Variants in PHACTR2 observed in about 807,000 individuals in gnomAD.
The protein encoded by PHACTR2 is chromosome 6 open reading frame 56.
In PHACTR2, 30 loss-of-function variants were observed where a neutral mutation model predicts 76.0. That is an observed-to-expected ratio of 0.39 (90% CI 0.30 to 0.54). PHACTR2 has a LOEUF of 0.54. Among genes scored for constraint, PHACTR2 ranks in the 20% least tolerant of loss-of-function variants. PHACTR2 has a pLI of 0.61. For synonymous variants in PHACTR2, 292 were observed against 292.5 expected (o/e 1.00, Z 0.02); for missense variants, 696 against 781.1 (o/e 0.89, Z 1.30).
At chr6:143,538,875 T>C (rs182713272) in intron 1 of PHACTR2, among the ~76,000 whole-genome samples, 22 of 152,336 alleles carry the variant, frequency 1.4e-4, no homozygotes, top group Admixed American at 1.4e-3. Context: ...TAAAGATTCA[T>C]CCTCTGAATT....
chr6:143,725,278 G>A (rs1778538270), intron 2 of PHACTR2, among the ~76,000 whole-genome samples: 1 of 139,090 alleles, frequency 7.2e-6, no homozygotes, highest in African/African-American at 2.8e-5. Context: ...CGTGATCTCG[G>A]CAAGCTCCGC....
At chr6:143,768,090 C>T (rs1035535987) in intron 6 of PHACTR2, among the ~76,000 whole-genome samples, 8 of 152,190 alleles carry the variant, frequency 5.3e-5, no homozygotes, top group African/African-American at 1.9e-4. Context: ...CCTGCCTCAG[C>T]CTTCCAAAGT....
chr6:143,762,089 CTG>C (rs1370928061), intron 5 of PHACTR2, among the ~76,000 whole-genome samples: 1 of 152,158 alleles, frequency 6.6e-6, no homozygotes, highest in Admixed American at 6.5e-5. Flanking sequence ...TTGTTGGGAT[CTG>C]TGTGTGTTTT....
At chr6:143,567,993 TC>T (rs1775386732) in intron 1 of PHACTR2, among the ~76,000 whole-genome samples, 1 of 152,218 alleles carries the variant, frequency 6.6e-6, no homozygotes, top group Admixed American at 6.5e-5. Flanking sequence ...TCGCTATGCA[TC>T]TTTTCACATA....
intron 1 of PHACTR2, among the ~76,000 whole-genome samples, chr6:143,637,787 G>T (rs1582724262): frequency 1.3e-5 from 2 of 152,212 alleles, no homozygotes; most frequent in East Asian, 3.9e-4. Context: ...GTAGCAATGG[G>T]AGTCTTTTAT....
rs1159506409 is a variant in PHACTR2, at chr6:143,695,408, C to T, written c.47-16608C>T. Reference sequence around the variant, plus strand: ...GTGTTCTTCCAAGTTGAGAACAGAACACTTGGATCCAAGACCCTATTTCAG... The same window carrying T: ...GTGTTCTTCCAAGTTGAGAACAGAATACTTGGATCCAAGACCCTATTTCAG... On this transcript the variant is annotated intron_variant, in intron 1 of 12. Coordinates refer to ENST00000440869, the MANE Select transcript of PHACTR2 (RefSeq NM_001100164.2). The surrounding 1 kb of genome is among the most constrained non-coding windows in gnomAD (Gnocchi z 4.4). 1.3e-5 allele frequency among the ~76,000 whole-genome samples: 2 copies of T among 152,218 alleles called. No homozygotes were observed. Among genetic ancestry groups the T allele is most frequent in the African/African-American group, 4.8e-5 (2 of 41,456 alleles).
At chr6:143,745,155 G>A (rs1779028690) in intron 2 of PHACTR2, among the ~76,000 whole-genome samples, 1 of 152,204 alleles carries the variant, frequency 6.6e-6, no homozygotes, top group Admixed American at 6.5e-5. Flanking sequence ...TCTGTGCATA[G>A]ATTGGTGTAA....
intron 6 of PHACTR2, among the ~76,000 whole-genome samples, chr6:143,771,192 GTGTATA>G (rs1343057664): frequency 1.7e-3 from 28 of 16,614 alleles, no homozygotes; most frequent in African/African-American, 9.5e-3. Flanking sequence ...ATATATATGT[GTGTATA>G]TATATATATA....
chr6:143,673,709 A>G (rs1037190007), upstream of PHACTR2, among the ~76,000 whole-genome samples: 3 of 152,026 alleles, frequency 2.0e-5, no homozygotes, highest in African/African-American at 7.2e-5. Context: ...TCTTTGGAAA[A>G]GGAAATTCCA....
chr6:143,743,236 T>G lies in PHACTR2; in HGVS notation c.215-5749T>G, dbSNP rs954842236. On this transcript the variant is annotated intron_variant, in intron 2 of 12. Coordinates refer to ENST00000440869, the MANE Select transcript of PHACTR2 (RefSeq NM_001100164.2). The surrounding 1 kb of genome is among the most constrained non-coding windows in gnomAD (Gnocchi z 5.0). Reference sequence around the variant, plus strand: ...GGAACAATACATGAAGGAATGGAGCTGAAGAACCGCAGATGTTTAGGAAAT... The same window carrying G: ...GGAACAATACATGAAGGAATGGAGCGGAAGAACCGCAGATGTTTAGGAAAT... Among the ~76,000 whole-genome samples, 2 of 152,176 alleles carry G rather than the reference T, an allele frequency of 1.3e-5. No individual in the cohort carries two copies. The highest frequency in any genetic ancestry group is 4.8e-5 in the African/African-American group (2 of 41,442).
intron 1 of PHACTR2, among the ~76,000 whole-genome samples, chr6:143,540,264 C>A (rs1306452038): frequency 6.6e-6 from 1 of 152,128 alleles, no homozygotes; most frequent in African/African-American, 2.4e-5. Context: ...AAAAGGAAAT[C>A]ACCTTTTGCA....
chr6:143,579,064 TGG>T (rs1775545218), intron 1 of PHACTR2, among the ~76,000 whole-genome samples: 1 of 152,072 alleles, frequency 6.6e-6, no homozygotes, highest in Non-Finnish European at 1.5e-5. Context: ...CCACCACACC[TGG>T]CTAATTTTTG....
Position 143,730,394 on chromosome 6 carries a change from C to T in PHACTR2, c.214+18211C>T, listed in dbSNP as rs190320577. ...TTAGAAAACAGTTAATAAGTTTATACTTCAGTATTTGTTTTCTTTATTTTT... is the reference window on the plus strand; with the variant it reads ...TTAGAAAACAGTTAATAAGTTTATATTTCAGTATTTGTTTTCTTTATTTTT... On this transcript the variant is annotated intron_variant, in intron 2 of 12. Coordinates refer to ENST00000440869, the MANE Select transcript of PHACTR2 (RefSeq NM_001100164.2). The surrounding 1 kb of genome is among the most constrained non-coding windows in gnomAD (Gnocchi z 4.8). 6.6e-6 allele frequency among the ~76,000 whole-genome samples: 1 copy of T among 152,066 alleles called. No homozygotes were observed. The highest frequency in any genetic ancestry group is 6.6e-5 in the Admixed American group (1 of 15,264).
chr6:143,679,253 G>A lies in PHACTR2; in HGVS notation c.46+1044G>A, dbSNP rs896283840. On this transcript the variant is annotated intron_variant, in intron 1 of 12. Transcript: ENST00000440869. The surrounding 1 kb of genome is among the most constrained non-coding windows in gnomAD (Gnocchi z 4.6). ...CCAGTGGGTTTCTTTAGGTAGCACAGCTTCACTCCCTGAGATACCACAAGC... is the reference window on the plus strand; with the variant it reads ...CCAGTGGGTTTCTTTAGGTAGCACAACTTCACTCCCTGAGATACCACAAGC... Among the ~76,000 whole-genome samples the A allele has an allele frequency of 5.3e-5, 8 of 152,234 alleles. No homozygotes were observed. Among genetic ancestry groups the A allele is most frequent in the African/African-American group, 1.9e-4 (8 of 41,530 alleles).
intron 1 of PHACTR2, among the ~76,000 whole-genome samples, chr6:143,692,682 C>T (rs1040401166): frequency 1.3e-5 from 2 of 152,188 alleles, no homozygotes; most frequent in African/African-American, 4.8e-5. Flanking sequence ...ATAAAGTAAT[C>T]ATAGCAAAAT....
chr6:143,568,549 C>T (rs1346233804), intron 1 of PHACTR2, among the ~76,000 whole-genome samples: 7 of 152,156 alleles, frequency 4.6e-5, no homozygotes, highest in African/African-American at 1.7e-4. Context: ...CTTCCTCCCA[C>T]ATATAAGCAA....
intron 2 of PHACTR2, among the ~76,000 whole-genome samples, chr6:143,740,508 T>TAAAA (rs10638908): frequency 3.0e-4 from 38 of 128,694 alleles, no homozygotes; most frequent in African/African-American, 1.1e-3. Context: ...TCCTTTTAAT[T>TAAAA]AAAAAAAAAA....
At chr6:143,620,298 G>C (rs1349475514) in intron 1 of PHACTR2, among the ~76,000 whole-genome samples, 1 of 152,122 alleles carries the variant, frequency 6.6e-6, no homozygotes, top group East Asian at 1.9e-4. Flanking sequence ...GTCTTTAGCT[G>C]TCTCAGGGAA....
rs1369066990 is a variant in PHACTR2 at position 143,794,890 on chromosome 6, T to C, written c.1845+5980T>C. 6.6e-6 allele frequency among the ~76,000 whole-genome samples: 1 copy of C among 152,188 alleles called. No homozygotes were observed. The highest frequency in any genetic ancestry group is 1.5e-5 in the Non-Finnish European group (1 of 68,036). ...TTTTCTTTCTCTTATCTTAGTGCCATTTTCTTAGCCCCATTAAGCTACCAC... is the reference window on the plus strand; with the variant it reads ...TTTTCTTTCTCTTATCTTAGTGCCACTTTCTTAGCCCCATTAAGCTACCAC... On this transcript the variant is annotated intron_variant, in intron 11 of 12. Coordinates refer to ENST00000440869, the MANE Select transcript of PHACTR2 (RefSeq NM_001100164.2). This position sits in a 1 kb window ranked among gnomAD's most constrained non-coding sequence, Gnocchi z 4.1.
Sources: allele counts gnomAD v4.1 joint callset (sites outside exome capture counted in the v4.1 genomes callset), GRCh38; gene constraint gnomAD v4.1.1; non-coding constraint Gnocchi (gnomAD v3.1); transcripts MANE v1.5; gene names NCBI Gene and HGNC (gene_info 2026-07-23, HGNC 2026-07-21).